The following SORCS3 variants were observed in gnomAD, a reference collection of about 807,000 sequenced individuals.
SORCS3 encodes VPS10 domain-containing receptor SorCS3.
Under a neutral mutation model 146.3 loss-of-function variants are expected in SORCS3, and 57 were observed. The observed-to-expected ratio is 0.39, with a 90% CI of 0.31 to 0.49. The LOEUF (loss-of-function observed/expected upper bound fraction) is 0.49. Among genes scored for constraint, SORCS3 ranks in the 20% least tolerant of loss-of-function variants. The pLI, the probability that SORCS3 is intolerant of heterozygous loss-of-function variation, is 0.92. For missense variants in SORCS3, 1,341 were observed against 1,575.5 expected (o/e 0.85, Z 2.52); for synonymous variants, 653 against 618.5 (o/e 1.06, Z -0.83).
intron 14 of SORCS3, among the ~76,000 whole-genome samples, chr10:105,199,113 G>T (rs558946991): frequency 6.6e-6 from 1 of 152,230 alleles, no homozygotes; most frequent in East Asian, 1.9e-4. Flanking sequence ...TTCCTTGAAA[G>T]ACCTCAGTTG....
At chr10:105,159,237 A>T (rs1385020305) in intron 11 of SORCS3, among the ~76,000 whole-genome samples, 2 of 152,210 alleles carry the variant, frequency 1.3e-5, no homozygotes, top group African/African-American at 4.8e-5. Flanking sequence ...GTGCTTAGGA[A>T]GAGGCCAGAG....
intron 5 of SORCS3, among the ~76,000 whole-genome samples, chr10:105,065,135 C>T (rs2055514816): frequency 6.6e-6 from 1 of 152,108 alleles, no homozygotes; most frequent in Non-Finnish European, 1.5e-5. Flanking sequence ...TGGCTGACAT[C>T]AGTAGCCCTG....
At chr10:105,232,540 T>A (rs1206683460) in intron 20 of SORCS3, among the ~76,000 whole-genome samples, 1 of 151,954 alleles carries the variant, frequency 6.6e-6, no homozygotes, top group Non-Finnish European at 1.5e-5. Flanking sequence ...GTTTCATTGA[T>A]TTCTGTTCTA....
intron 7 of SORCS3, among the ~76,000 whole-genome samples, chr10:105,125,927 A>G (rs921353421): frequency 6.6e-6 from 1 of 152,066 alleles, no homozygotes; most frequent in Non-Finnish European, 1.5e-5. Context: ...ATCATAACCA[A>G]TAGGTGAGGG....
At chr10:104,861,307 T>C (rs201594574) in intron 2 of SORCS3, among the ~76,000 whole-genome samples, 2 of 152,204 alleles carry the variant, frequency 1.3e-5, no homozygotes, top group East Asian at 1.9e-4. Context: ...ATCCCAGTTA[T>C]GCCACTTTCT....
At chr10:105,071,207 T>C (rs1391576891) in intron 5 of SORCS3, among the ~76,000 whole-genome samples, 2 of 152,140 alleles carry the variant, frequency 1.3e-5, no homozygotes, top group Non-Finnish European at 2.9e-5. Context: ...AAATGGAGGG[T>C]TAATTTACTC....
intron 4 of SORCS3, among the ~76,000 whole-genome samples, chr10:105,009,527 CA>C (rs35368294): frequency 0.23 from 23,288 of 100,260 alleles, 2,139 homozygotes; most frequent in East Asian, 0.4. Flanking sequence ...AACAAACAAA[CA>C]AAAAAAAAAA....
At chr10:104,963,364 A>G (rs1379818317) in intron 3 of SORCS3, among the ~76,000 whole-genome samples, 1 of 152,158 alleles carries the variant, frequency 6.6e-6, no homozygotes, top group Non-Finnish European at 1.5e-5. Context: ...TTCAGTAGCC[A>G]ATTCTCAGTA....
chr10:104,978,084 C>G (rs1048015466), intron 4 of SORCS3, among the ~76,000 whole-genome samples: 2 of 152,008 alleles, frequency 1.3e-5, no homozygotes, highest in African/African-American at 2.4e-5. Context: ...TCAAAACAAC[C>G]CTGTGAAAGA....
intron 1 of SORCS3, among the ~76,000 whole-genome samples, chr10:104,796,437 ATT>A (rs58243391): frequency 2.0e-4 from 29 of 144,830 alleles, no homozygotes; most frequent in South Asian, 1.1e-3. Flanking sequence ...GATAATCTCC[ATT>A]TTTTTTTTTT....
At position 104,915,923 on chromosome 10, in the gene SORCS3, CA is replaced by C. The variant is rs1312090895; in HGVS notation, c.790del (p.Arg264GlyfsTer16). On this transcript the variant is annotated frameshift_variant, in exon 3 of 27. Transcript: ENST00000369701. LOFTEE classifies it high-confidence loss of function. Reference protein sequence around the residue: ...LSYLYVNPTNKRKIMLLSDPE... With the variant: ...LSYLYVNPTNXRKIMLLSDPE... Reference sequence around the variant, plus strand: ...GTTACCTCTATGTCAATCCAACCAACAAAAGGAAGGTAAGAGACTGGGTCAG... The same window carrying C: ...GTTACCTCTATGTCAATCCAACCAACAAAGGAAGGTAAGAGACTGGGTCAG... 6.2e-7 allele frequency: 1 copy of C among 1,613,546 alleles called. No individual in the cohort carries two copies. The highest frequency in any genetic ancestry group is 8.5e-7 in the Non-Finnish European group (1 of 1,179,654).
At chr10:104,842,744 TCC>T in intron 1 of SORCS3, 46 bp from the exon 2 acceptor site, 1 of 1,463,458 alleles carries the variant, frequency 6.8e-7, no homozygotes, top group Admixed American at 1.7e-5. Flanking sequence ...CTTCCTTTTT[TCC>T]CTCCCTTTGT....
intron 8 of SORCS3, among the ~76,000 whole-genome samples, chr10:105,142,978 T>A (rs1378221751): frequency 6.6e-6 from 1 of 152,184 alleles, no homozygotes; most frequent in Non-Finnish European, 1.5e-5. Flanking sequence ...TATCCTTCAC[T>A]GCTGTGTCAC....
chr10:105,045,038 A>AAAAGAAAGAAAGAAAAG (rs2055361604), intron 5 of SORCS3, among the ~76,000 whole-genome samples: 9 of 116,558 alleles, frequency 7.7e-5, no homozygotes, highest in African/African-American at 3.1e-4. Flanking sequence ...AAAAAAAAAA[A>AAAAGAAAGAAAGAAAAG]AAAGAAAGAA....
intron 7 of SORCS3, among the ~76,000 whole-genome samples, chr10:105,132,989 T>C (rs964515943): frequency 2.6e-5 from 4 of 152,234 alleles, no homozygotes; most frequent in Non-Finnish European, 4.4e-5. Context: ...ACTTTATTTC[T>C]TTCTTGTGTG....
At chr10:104,748,607 C>G (rs574085682) in intron 1 of SORCS3, among the ~76,000 whole-genome samples, 1 of 152,140 alleles carries the variant, frequency 6.6e-6, no homozygotes, top group Non-Finnish European at 1.5e-5. Flanking sequence ...AATCCCAGCA[C>G]TTTGGGAGGC....
intron 4 of SORCS3, among the ~76,000 whole-genome samples, chr10:105,007,542 T>C (rs1309138042): frequency 1.3e-5 from 2 of 151,908 alleles, no homozygotes; most frequent in Admixed American, 6.6e-5. Context: ...AATGTGTGAG[T>C]GTGAGTTTGT....
chr10:104,948,002 T>C (rs1217834566), intron 3 of SORCS3, among the ~76,000 whole-genome samples: 2 of 152,314 alleles, frequency 1.3e-5, no homozygotes, highest in South Asian at 4.1e-4. Context: ...TTTTTGTCAT[T>C]GTAAAAATTA....
chr10:105,009,523 C>CAAAAAAAAAAA (rs2055118510), intron 4 of SORCS3, among the ~76,000 whole-genome samples: 1 of 49,000 alleles, frequency 2.0e-5, no homozygotes, highest in East Asian at 7.0e-4. Flanking sequence ...AACAAACAAA[C>CAAAAAAAAAAA]AAACAAAAAA....
Sources: gnomAD v4.1 joint callset for allele counts (sites outside exome capture counted in the v4.1 genomes callset) on GRCh38, gnomAD v4.1.1 for gene constraint, MANE v1.5 for transcripts, NCBI Gene and HGNC (gene_info 2026-07-23, HGNC 2026-07-21) for gene names.